Variants in MTR observed in about 807,000 individuals in gnomAD.
The protein encoded by MTR is 5-methyltetrahydrofolate-homocysteine methyltransferase.
Under a neutral mutation model 154.8 loss-of-function variants are expected in MTR, and 84 were observed. That is an observed-to-expected ratio of 0.54 (90% CI 0.45 to 0.65). MTR has a LOEUF of 0.65. Ranked by LOEUF, MTR falls within the 30% of genes least tolerant of loss-of-function variation. MTR has a pLI of 0.00. For missense variants in MTR, 1,275 were observed against 1,570.2 expected, an observed-to-expected ratio of 0.81 and a Z score of 3.18; for synonymous variants, 554 against 553.9, an observed-to-expected ratio of 1.00 and a Z score of 0.00.
At chr1:236,809,880 G>A (rs1661201087) in intron 4 of MTR, among the ~76,000 whole-genome samples, 1 of 152,170 alleles carries the variant, frequency 6.6e-6, no homozygotes, top group African/African-American at 2.4e-5. Context: ...CAGAGGAAAA[G>A]TTATTAAAGA....
In MTR at chr1:236,850,505, T is replaced by C. The variant is rs1282597522; in HGVS notation, c.1677T>C (p.His559=). The C allele has an allele frequency of 6.2e-7, 1 of 1,613,712 alleles. No homozygotes were observed. The highest frequency in any genetic ancestry group is 1.7e-5 in the Admixed American group (1 of 59,996). The change falls in exon 16 of 33, where the codon CAT becomes CAC. Residue 559 remains histidine (H), a synonymous_variant. Transcript: ENST00000366577. ...ACTTGTATGCCATTAATTTTATCCA[T>C]GCAACAAAAGTCATTAAAGTAAGTG... ...EHNLYAINFI[H]ATKVIKETLP...
intron 1 of MTR, among the ~76,000 whole-genome samples, chr1:236,801,055 A>G (rs989190302): frequency 2.0e-5 from 3 of 152,200 alleles, no homozygotes; most frequent in Admixed American, 6.5e-5. Context: ...GAGTGCCTAA[A>G]TTAACACTAC....
At chr1:236,886,838 G>A (rs1572334143) in intron 27 of MTR, among the ~76,000 whole-genome samples, 1 of 152,314 alleles carries the variant, frequency 6.6e-6, no homozygotes, top group South Asian at 2.1e-4. Flanking sequence ...AGGCCCAGGG[G>A]CAGATGTGAA....
At chr1:236,879,942 A>G (rs1665634292) in intron 24 of MTR, among the ~76,000 whole-genome samples, 1 of 152,026 alleles carries the variant, frequency 6.6e-6, no homozygotes, top group Non-Finnish European at 1.5e-5. Context: ...TCACTAGGTC[A>G]GGAGATCGAG....
At chr1:236,864,008 G>A (rs1664696483) in intron 22 of MTR, among the ~76,000 whole-genome samples, 1 of 152,048 alleles carries the variant, frequency 6.6e-6, no homozygotes, top group South Asian at 2.1e-4. Flanking sequence ...AGTTGGCTTT[G>A]CTTAGAGCCA....
At chr1:236,840,615 GAA>G (rs1204213951) in intron 15 of MTR, among the ~76,000 whole-genome samples, 3 of 152,208 alleles carry the variant, frequency 2.0e-5, no homozygotes, top group African/African-American at 4.8e-5. Flanking sequence ...TTCAGCAAAT[GAA>G]AAGTTTTGTA....
Position 236,873,764 on chromosome 1 carries a change from G to T in MTR, c.2406-9G>T. On this transcript the variant is annotated splice_polypyrimidine_tract_variant and intron_variant, in intron 22 of 32. Transcript: ENST00000366577. ...ATTAATTTTCTCATGTCTCATTTCT[G>T]TGCCTCAGAGTTATTGATTTAGGAG... 6.2e-7 allele frequency: 1 copy of T among 1,612,480 alleles called. No homozygotes were observed. The highest frequency in any genetic ancestry group is 8.5e-7 in the Non-Finnish European group (1 of 1,178,540).
chr1:236,840,497 T>G lies in MTR; in HGVS notation c.1515+1898T>G, dbSNP rs116747543. Among the ~76,000 whole-genome samples, 1,449 of 152,250 alleles carry G rather than the reference T, an allele frequency of 9.5e-3. 19 individuals carry two copies. Among genetic ancestry groups the G allele is most frequent in the African/African-American group, 0.034 (1,400 of 41,538 alleles). ...AGGCTGTCAGGGAAGAGTTGGCCTG[T>G]TCAGAACAGGTGGTCTTATAAGACC... On this transcript the variant is annotated intron_variant, in intron 15 of 32. Transcript: ENST00000366577.
intron 8 of MTR, among the ~76,000 whole-genome samples, chr1:236,818,331 C>A (rs1043558152): frequency 7.6e-6 from 1 of 130,980 alleles, no homozygotes; most frequent in African/African-American, 2.5e-5. Flanking sequence ...TCTTTCCTAG[C>A]GATTAGGTAA....
intron 15 of MTR, among the ~76,000 whole-genome samples, chr1:236,843,733 T>C (rs1663399088): frequency 1.3e-5 from 2 of 152,140 alleles, no homozygotes; most frequent in Non-Finnish European, 2.9e-5. Flanking sequence ...TCACATTGGG[T>C]ATAGGTTGTG....
intron 18 of MTR, among the ~76,000 whole-genome samples, chr1:236,854,937 C>T (rs1031017843): frequency 1.3e-5 from 2 of 152,180 alleles, no homozygotes; most frequent in African/African-American, 2.4e-5. Context: ...AGAAGAATTT[C>T]CTCATTCTTA....
At position 236,795,481 on chromosome 1, in the gene MTR, C is replaced by G; in HGVS notation, c.-223C>G. Reference sequence around the variant, plus strand: ...CGGGTACCCGGGAAGAAAGCACGTGCTCCAGCAGTTGCCGCGCCCAGCCCC... The same window carrying G: ...CGGGTACCCGGGAAGAAAGCACGTGGTCCAGCAGTTGCCGCGCCCAGCCCC... On this transcript the variant is annotated 5_prime_UTR_variant, in exon 1 of 33. Transcript: ENST00000366577. 6.6e-7 allele frequency: 1 copy of G among 1,513,860 alleles called. No homozygotes were observed. The highest frequency in any genetic ancestry group is 8.8e-7 in the Non-Finnish European group (1 of 1,132,358). The allele number at this position is 1,513,860 out of a possible 1,614,324, so 93.8% of individuals were successfully genotyped here.
chr1:236,845,897 C>T (rs559752026), intron 15 of MTR, among the ~76,000 whole-genome samples: 31 of 152,188 alleles, frequency 2.0e-4, no homozygotes, highest in Non-Finnish European at 3.5e-4. Flanking sequence ...AGTTAAGAAC[C>T]GGGATTTGCT....
intron 24 of MTR, among the ~76,000 whole-genome samples, chr1:236,878,873 C>G (rs1443064230): frequency 6.6e-6 from 1 of 152,216 alleles, no homozygotes; most frequent in Admixed American, 6.5e-5. Context: ...CACTCTGTAC[C>G]CCAGCCTTCC....
chr1:236,865,306 T>C (rs1664764501), intron 22 of MTR, among the ~76,000 whole-genome samples: 1 of 152,252 alleles, frequency 6.6e-6, no homozygotes, highest in African/African-American at 2.4e-5. Context: ...GCAAACTTCA[T>C]GTCAAACACT....
At chr1:236,797,169 A>T (rs957114292) in intron 1 of MTR, among the ~76,000 whole-genome samples, 6 of 152,228 alleles carry the variant, frequency 3.9e-5, no homozygotes. Flanking sequence ...CATTGTGCCT[A>T]GAAAAGACCT....
chr1:236,798,287 A>G (rs1408646073), intron 1 of MTR, among the ~76,000 whole-genome samples: 1 of 152,198 alleles, frequency 6.6e-6, no homozygotes, highest in Non-Finnish European at 1.5e-5. Context: ...TGCAATTTAT[A>G]ACTTACATGC....
chr1:236,861,362 G>T, intron 20 of MTR, 85 bp downstream of exon 20: 1 of 1,583,870 alleles, frequency 6.3e-7, no homozygotes, highest in East Asian at 2.2e-5. Flanking sequence ...TATTTCTCAG[G>T]TTTTAATTTG....
intron 15 of MTR, among the ~76,000 whole-genome samples, chr1:236,842,724 G>C (rs1046605973): frequency 6.0e-5 from 9 of 150,614 alleles, no homozygotes; most frequent in African/African-American, 2.2e-4. Flanking sequence ...CCTAGTCCCT[G>C]TCCTTGCACG....
Sources: gnomAD v4.1 joint callset for allele counts (sites outside exome capture counted in the v4.1 genomes callset) on GRCh38, gnomAD v4.1.1 for gene constraint, MANE v1.5 for transcripts, NCBI Gene and HGNC (gene_info 2026-07-23, HGNC 2026-07-21) for gene names.